LARP1: variants seen among roughly 807,000 people sequenced by gnomAD.
LARP1 encodes la-related protein 1.
Under a neutral mutation model 122.7 loss-of-function variants are expected in LARP1, and 36 were observed. That is an observed-to-expected ratio of 0.29 (90% confidence interval 0.22 to 0.39). The LOEUF (loss-of-function observed/expected upper bound fraction) is 0.39, where lower values mean the gene tolerates loss of function less well. LARP1 is among the 10% of genes least tolerant of loss of function. LARP1 has a pLI of 1.00. For synonymous variants in LARP1, 539 were observed against 528.7 expected (o/e 1.02, Z -0.27); for missense variants, 1,040 against 1,403.6 (o/e 0.74, Z 4.14).
At chr5:154,707,740 G>A (rs1313002131) in intron 1 of LARP1, among the ~76,000 whole-genome samples, 1 of 151,996 alleles carries the variant, frequency 6.6e-6, no homozygotes, top group African/African-American at 2.4e-5. Context: ...GCAACTAGAC[G>A]GTCCCATTTG....
At chr5:154,769,468 G>A (rs1755225161) in intron 1 of LARP1, among the ~76,000 whole-genome samples, 1 of 152,226 alleles carries the variant, frequency 6.6e-6, no homozygotes, top group Non-Finnish European at 1.5e-5. Context: ...GGCGGTGGGG[G>A]ACGTGGGGAC....
chr5:154,712,260 C>T (rs1477976159), upstream of LARP1, among the ~76,000 whole-genome samples: 5 of 152,204 alleles, frequency 3.3e-5, no homozygotes, highest in African/African-American at 1.2e-4. Flanking sequence ...TAGAGGATCA[C>T]TAGCATGACT....
intron 1 of LARP1, among the ~76,000 whole-genome samples, chr5:154,683,530 C>T (rs536405651): frequency 5.9e-5 from 9 of 152,310 alleles, no homozygotes; most frequent in African/African-American, 2.2e-4. Flanking sequence ...ACCCTCCCTA[C>T]CTGCTCGCCC....
intron 1 of LARP1, among the ~76,000 whole-genome samples, chr5:154,716,483 C>T (rs1561541982): frequency 6.6e-6 from 1 of 152,272 alleles, no homozygotes; most frequent in African/African-American, 2.4e-5. Flanking sequence ...GAGTATCACT[C>T]TGTCACCCAG....
intron 1 of LARP1, among the ~76,000 whole-genome samples, chr5:154,725,320 C>T (rs992022317): frequency 4.8e-5 from 7 of 146,216 alleles, no homozygotes; most frequent in African/African-American, 1.0e-4. Context: ...ACCTAGAAGG[C>T]GGAGGTTGCA....
intron 1 of LARP1, among the ~76,000 whole-genome samples, chr5:154,701,086 G>A (rs1270320066): frequency 1.3e-5 from 2 of 152,196 alleles, no homozygotes; most frequent in Non-Finnish European, 2.9e-5. Context: ...TGGGATTACA[G>A]TTGTGAGCCA....
chr5:154,698,319 G>A (rs1246066217), intron 1 of LARP1, among the ~76,000 whole-genome samples: 14 of 152,140 alleles, frequency 9.2e-5, no homozygotes, highest in Non-Finnish European at 2.1e-4. Context: ...TTGTATGGCG[G>A]GGCACTGTGG....
Position 154,794,087 on chromosome 5 carries a change from G to GT in LARP1, c.1070-10dup. On this transcript the variant is annotated splice_polypyrimidine_tract_variant and intron_variant, in intron 6 of 18. Coordinates refer to ENST00000518297, the MANE Select transcript of LARP1 (RefSeq NM_033551.3). ...GAATCTCCTCTCCCTCATGGCACCC[G>GT]TTTCCCCCATAGCCCATTTTGACTA... The GT allele has an allele frequency of 6.2e-7, 1 of 1,613,942 alleles. No individual in the cohort carries two copies. Among genetic ancestry groups the GT allele is most frequent in the Non-Finnish European group, 8.5e-7 (1 of 1,179,884 alleles).
intron 1 of LARP1, chr5:154,786,482 C>G (rs549502332): frequency 7.9e-5 from 36 of 456,002 alleles, no homozygotes; most frequent in Non-Finnish European, 1.5e-4. Flanking sequence ...TCCAGATACC[C>G]TTTAGGGCTG....
intron 1 of LARP1, among the ~76,000 whole-genome samples, chr5:154,713,352 C>G (rs1372179896): frequency 6.6e-6 from 1 of 152,184 alleles, no homozygotes; most frequent in African/African-American, 2.4e-5. Flanking sequence ...CCTTGTCACA[C>G]CCCTTGTTCT....
Position 154,803,982 on chromosome 5 carries a change from C to T in LARP1, c.2440-219C>T, listed in dbSNP as rs75677081. ...AAGGAGGATTGACCAGGTATGAGTCCTTGGGCAAATCACTGCATTCCCAAA... is the reference window on the plus strand; with the variant it reads ...AAGGAGGATTGACCAGGTATGAGTCTTTGGGCAAATCACTGCATTCCCAAA... On this transcript the variant is annotated intron_variant, in intron 13 of 18. Transcript: ENST00000518297. The surrounding 1 kb of genome is among the most constrained non-coding windows in gnomAD (Gnocchi z 4.4). Among the ~76,000 whole-genome samples the T allele has an allele frequency of 0.077, 11,654 of 152,194 alleles. 506 individuals carry two copies. The highest frequency in any genetic ancestry group is 0.14 in the Admixed American group (2,191 of 15,286).
chr5:154,758,754 T>G (rs1754209286), intron 1 of LARP1, among the ~76,000 whole-genome samples: 1 of 152,256 alleles, frequency 6.6e-6, no homozygotes, highest in Non-Finnish European at 1.5e-5. Context: ...ATGCCTATTT[T>G]TAGCCTTACT....
At chr5:154,778,658 TAG>T (rs1756130568) in intron 1 of LARP1, among the ~76,000 whole-genome samples, 1 of 152,188 alleles carries the variant, frequency 6.6e-6, no homozygotes, top group African/African-American at 2.4e-5. Context: ...GGCCTCTGAA[TAG>T]AGAGACTGAA....
intron 15 of LARP1, among the ~76,000 whole-genome samples, 175 bp from the exon 16 acceptor site, chr5:154,808,284 G>A (rs1047637120): frequency 1.3e-5 from 2 of 152,220 alleles, no homozygotes; most frequent in Non-Finnish European, 2.9e-5. Context: ...CAGGGCCTGG[G>A]GCAGAGTGGT....
At chr5:154,813,110 G>T (rs1759425403) in intron 18 of LARP1, among the ~76,000 whole-genome samples, 3 of 149,626 alleles carry the variant, frequency 2.0e-5, no homozygotes, top group African/African-American at 7.4e-5. Flanking sequence ...TAGGTTAACT[G>T]AGGTTCGTGG....
At chr5:154,788,694 A>G (rs1347863431) in intron 1 of LARP1, among the ~76,000 whole-genome samples, 6 of 151,990 alleles carry the variant, frequency 3.9e-5, no homozygotes, top group African/African-American at 1.5e-4. Context: ...TGGTGTTGGG[A>G]AAAGAAGTGT....
intron 1 of LARP1, among the ~76,000 whole-genome samples, chr5:154,747,061 C>T (rs577547160): frequency 5.7e-4 from 87 of 152,138 alleles, no homozygotes; most frequent in Middle Eastern, 3.4e-3. Context: ...ACCCGGGAGG[C>T]GGAGGGTGCA....
At chr5:154,714,840 C>T (rs1252685392) in intron 1 of LARP1, among the ~76,000 whole-genome samples, 4 of 152,132 alleles carry the variant, frequency 2.6e-5, no homozygotes, top group Non-Finnish European at 5.9e-5. Flanking sequence ...TGTGTGTGAG[C>T]GTTGTGTGCG....
chr5:154,785,006 A>G lies in LARP1; in HGVS notation c.437-5319A>G, dbSNP rs140264542. Among the ~76,000 whole-genome samples the G allele has an allele frequency of 1.5e-4, 23 of 152,350 alleles. 1 individual carries two copies. The East Asian group carries it at 4.4e-3, about 29-fold the overall frequency. On this transcript the variant is annotated intron_variant, in intron 1 of 18. Coordinates refer to ENST00000518297, the MANE Select transcript of LARP1 (RefSeq NM_033551.3). Reference sequence around the variant, plus strand: ...GTGGAATGACTGAATTTCAACTGAAAGGGAACTCTTGTCAGCCTTCGCCAT... The same window carrying G: ...GTGGAATGACTGAATTTCAACTGAAGGGGAACTCTTGTCAGCCTTCGCCAT...
Sources: allele counts gnomAD v4.1 joint callset (sites outside exome capture counted in the v4.1 genomes callset), GRCh38; gene constraint gnomAD v4.1.1; non-coding constraint Gnocchi (gnomAD v3.1); transcripts MANE v1.5; gene names NCBI Gene and HGNC (gene_info 2026-07-23, HGNC 2026-07-21).